SIN3A: variants seen among roughly 807,000 people sequenced by gnomAD.
SIN3A encodes the protein paired amphipathic helix protein Sin3a.
A neutral mutation model predicts 146.1 loss-of-function variants in SIN3A; 14 were observed. The observed-to-expected ratio is 0.10, with a 90% CI of 0.06 to 0.15. The LOEUF is 0.15. Ranked by LOEUF, SIN3A falls within the 10% of genes least tolerant of loss-of-function variation. The pLI is 1.00. For missense variants in SIN3A, 1,028 were observed against 1,576.0 expected (o/e 0.65, Z 5.89); for synonymous variants, 572 against 572.0 (o/e 1.00, Z 0.00).
chr15:75,415,566 T>C (rs2073718030), intron 3 of SIN3A: 3 of 187,988 alleles, frequency 1.6e-5, no homozygotes, highest in African/African-American at 4.8e-5. Context: ...CTAAAAAGGA[T>C]GCAGGCTGGG....
rs551658640 is a variant in SIN3A, at chr15:75,440,765, G to A, written c.-33-10357C>T. Among the ~76,000 whole-genome samples the A allele has an allele frequency of 1.4e-4, 21 of 152,048 alleles. No homozygotes were observed. In the South Asian group the frequency reaches 3.5e-3, roughly 26 times the overall value. ...TGGAAGGCCAAGGCAGGCGGATTACGAGGTCAGGAGATCGAGACCATCCTG... is the reference window on the plus strand; with the variant it reads ...TGGAAGGCCAAGGCAGGCGGATTACAAGGTCAGGAGATCGAGACCATCCTG... On this transcript the variant is annotated intron_variant, in intron 1 of 20. Transcript: ENST00000394947.
chr15:75,424,733 A>G (rs1382222358), intron 2 of SIN3A, among the ~76,000 whole-genome samples: 1 of 152,134 alleles, frequency 6.6e-6, no homozygotes, highest in East Asian at 1.9e-4. Context: ...TTGGCCTCCC[A>G]AAGTGCTGGG....
chr15:75,410,371 C>G lies in SIN3A; in HGVS notation c.1009-85G>C, dbSNP rs576840459. On this transcript the variant is annotated intron_variant, in intron 6 of 20. Transcript: ENST00000394947. ...GCACGCTTTCTGGAATCACTGTTATCTATTTAGGCTGCATGTAAGAAGAAA... is the reference window on the plus strand; with the variant it reads ...GCACGCTTTCTGGAATCACTGTTATGTATTTAGGCTGCATGTAAGAAGAAA... 49 of 1,303,126 alleles carry G rather than the reference C, an allele frequency of 3.8e-5. No individual in the cohort carries two copies. The South Asian group carries it at 5.9e-4, about 16-fold the overall frequency. 80.7% of individuals were successfully genotyped at this position (1,303,126 alleles called of 1,614,324 possible).
At chr15:75,445,529 C>T (rs112706864) in intron 1 of SIN3A, among the ~76,000 whole-genome samples, 70 of 151,550 alleles carry the variant, frequency 4.6e-4, no homozygotes, top group African/African-American at 1.5e-3. Context: ...CGAGATTGCA[C>T]CACTGCACTC....
At chr15:75,449,760 A>G (rs1440101305) in intron 1 of SIN3A, among the ~76,000 whole-genome samples, 1 of 152,202 alleles carries the variant, frequency 6.6e-6, no homozygotes, top group Non-Finnish European at 1.5e-5. Flanking sequence ...CCTAAATAGC[A>G]AATTCTTTAG....
chr15:75,416,034 T>A, intron 3 of SIN3A: 1 of 317,388 alleles, frequency 3.2e-6, no homozygotes, highest in Non-Finnish European at 6.1e-6. Context: ...ATGTGCATTT[T>A]TGGTAACTGT....
rs1365217895 is a variant in SIN3A, at chr15:75,412,081, TCAA to T, written c.757-341_757-339del. On this transcript the variant is annotated intron_variant, in intron 5 of 20. Transcript: ENST00000394947. ...TCTCATTCTACATAGCCTTTTGATGTCAACAACAAGACAACTGTTGCAGTAGCT... is the reference window on the plus strand; with the variant it reads ...TCTCATTCTACATAGCCTTTTGATGTCAACAAGACAACTGTTGCAGTAGCT... 1.3e-4 allele frequency among the ~76,000 whole-genome samples: 20 copies of T among 152,314 alleles called. No homozygotes were observed. In the East Asian group the frequency reaches 2.3e-3, roughly 18 times the overall value.
chr15:75,408,906 G>C (rs532674899), intron 8 of SIN3A, among the ~76,000 whole-genome samples: 1 of 152,278 alleles, frequency 6.6e-6, no homozygotes, highest in South Asian at 2.1e-4. Context: ...CAGATTTAAA[G>C]CATCAAAGAA....
In SIN3A at chr15:75,392,265, A is replaced by G; in HGVS notation, c.2828T>C (p.Ile943Thr). ...ACTAGGTTCTTTGAGACGTAGCTGAATGGCAGGGCTGTCACTCTTGTCTCG... is the reference window on the plus strand; with the variant it reads ...ACTAGGTTCTTTGAGACGTAGCTGAGTGGCAGGGCTGTCACTCTTGTCTCG... ...IKRDKSDSPA[I>T]QLRLKEPMDV... is the part of the protein sequence containing the mutation. Residue 943 changes from isoleucine (I) to threonine (T), a missense_variant, in exon 15 of 21, where the codon ATT becomes ACT. By Grantham distance (89) the Ile-to-Thr change is moderately conservative (BLOSUM62 -1). This residue lies in a region of SIN3A where 488 missense variants were observed against 690.2 expected (regional missense o/e 0.71). Coordinates refer to ENST00000394947, the MANE Select transcript of SIN3A (RefSeq NM_001145358.2). 1 of 1,613,670 alleles carries G rather than the reference A, an allele frequency of 6.2e-7. No individual in the cohort carries two copies. The highest frequency in any genetic ancestry group is 2.2e-5 in the East Asian group (1 of 44,882).
intron 13 of SIN3A, among the ~76,000 whole-genome samples, chr15:75,395,069 G>T (rs1048953063): frequency 5.3e-5 from 8 of 152,168 alleles, no homozygotes; most frequent in Admixed American, 5.2e-4. Flanking sequence ...TTGAGGAAAT[G>T]ATTTATCTCA....
rs200874747 is a variant in SIN3A at position 75,384,210 on chromosome 15, C to T, written c.3195+54G>A. ...GCTTTAACTTCTGGTTCAGAGAATC[C>T]TAACAACTGACATTGTCACCAGCAA... On this transcript the variant is annotated intron_variant, in intron 17 of 20. Coordinates refer to ENST00000394947, the MANE Select transcript of SIN3A (RefSeq NM_001145358.2). 1.2e-3 allele frequency: 1,686 copies of T among 1,454,946 alleles called. 6 individuals are homozygous for T. Among genetic ancestry groups the T allele is most frequent in the Non-Finnish European group, 1.5e-3 (1,560 of 1,066,142 alleles). 90.1% of individuals were successfully genotyped at this position (1,454,946 alleles called of 1,614,324 possible).
chr15:75,441,582 G>C (rs990314905), intron 1 of SIN3A, among the ~76,000 whole-genome samples: 10 of 151,998 alleles, frequency 6.6e-5, no homozygotes, highest in African/African-American at 2.4e-4. Flanking sequence ...ACTACACTTG[G>C]CTTCCACTCT....
chr15:75,440,178 T>TA (rs991463374), intron 1 of SIN3A, among the ~76,000 whole-genome samples: 5 of 150,530 alleles, frequency 3.3e-5, no homozygotes, highest in South Asian at 2.1e-4. Flanking sequence ...TAAATAACTT[T>TA]AAAAAAACCC....
intron 3 of SIN3A, chr15:75,420,065 G>C (rs1455866368): frequency 6.6e-6 from 1 of 152,142 alleles, no homozygotes; most frequent in Non-Finnish European, 1.5e-5. Context: ...ATTTAAGGAA[G>C]CACTTGGGGA....
chr15:75,422,554 G>A, intron 3 of SIN3A, 93 bp downstream of exon 3: 1 of 1,366,060 alleles, frequency 7.3e-7, no homozygotes, highest in Non-Finnish European at 1.0e-6. Flanking sequence ...AGTATCTCAG[G>A]TTAGAAGTTG....
intron 2 of SIN3A, chr15:75,429,973 AGGGAGCAGAGT>A: frequency 2.0e-6 from 1 of 488,298 alleles, no homozygotes; most frequent in South Asian, 2.8e-5. Flanking sequence ...AGGGAAAAGA[AGGGAGCAGAGT>A]GGGATACGCA....
chr15:75,446,862 C>G (rs1482752836), intron 1 of SIN3A, among the ~76,000 whole-genome samples: 1 of 152,144 alleles, frequency 6.6e-6, no homozygotes, highest in Non-Finnish European at 1.5e-5. Flanking sequence ...AGCTCCACCT[C>G]CCGGGTTCAC....
chr15:75,425,209 C>T (rs891947264), intron 2 of SIN3A, among the ~76,000 whole-genome samples: 3 of 152,288 alleles, frequency 2.0e-5, no homozygotes, highest in Admixed American at 6.5e-5. Flanking sequence ...CTCGCTCTAT[C>T]GCCCAGGCTG....
chr15:75,386,519 CA>C (rs1473263846), intron 16 of SIN3A, among the ~76,000 whole-genome samples: 1 of 152,106 alleles, frequency 6.6e-6, no homozygotes, highest in Non-Finnish European at 1.5e-5. Flanking sequence ...AGAGGGTGTT[CA>C]ATAGATTTTT....
Sources: gnomAD v4.1 joint callset for allele counts (sites outside exome capture counted in the v4.1 genomes callset) on GRCh38, gnomAD v4.1.1 for gene constraint, gnomAD v4.1.1 regional missense constraint, MANE v1.5 for transcripts, NCBI Gene and HGNC (gene_info 2026-07-23, HGNC 2026-07-21) for gene names.